FREM3: variants seen among roughly 807,000 people sequenced by gnomAD.
The protein encoded by FREM3 is FRAS1-related extracellular matrix protein 3.
A neutral mutation model predicts 129.1 loss-of-function variants in FREM3; 105 were observed. That is an observed-to-expected ratio of 0.81 (90% CI 0.69 to 0.96). The LOEUF is 0.96. Among genes scored for constraint, FREM3 ranks in the 40% least tolerant of loss-of-function variants. The pLI is 0.00. For synonymous variants in FREM3, 1,014 were observed against 1,044.9 expected (o/e 0.97, Z 0.57); for missense variants, 2,593 against 2,666.3 (o/e 0.97, Z 0.61).
chr4:143,625,081 A>G (rs1331274960), intron 3 of FREM3, among the ~76,000 whole-genome samples: 2 of 152,054 alleles, frequency 1.3e-5, no homozygotes, highest in Non-Finnish European at 2.9e-5. Context: ...CGAAACAACA[A>G]CAACAACATC....
In FREM3 at chr4:143,696,853, T is replaced by C. The variant is rs1426983187; in HGVS notation, c.3823A>G (p.Thr1275Ala). 1 of 1,537,684 alleles carries C rather than the reference T, an allele frequency of 6.5e-7. No homozygotes were observed. The highest frequency in any genetic ancestry group is 2.4e-5 in the East Asian group (1 of 40,914). ...TIVYEHDDSE[T>A]KEDSFEVWLS... ...CAGACCTCAAAACTGTCCTCTTTTG[T>C]CTCTGAGTCATCATGCTCATACACA... Residue 1275 changes from threonine to alanine, a missense_variant, in exon 1 of 8, where the codon ACA becomes GCA. Coordinates refer to ENST00000329798, the MANE Select transcript of FREM3 (RefSeq NM_001168235.2).
chr4:143,591,364 C>G (rs1738357997), intron 6 of FREM3, among the ~76,000 whole-genome samples: 1 of 152,182 alleles, frequency 6.6e-6, no homozygotes, highest in African/African-American at 2.4e-5. Flanking sequence ...CCTGCTTTCT[C>G]TTGTGGGCAT....
chr4:143,699,543 G>A lies in FREM3; in HGVS notation c.1133C>T (p.Thr378Ile), dbSNP rs1740651863. The change falls in exon 1 of 8, where the codon ACC becomes ATC. Residue 378 changes from threonine to isoleucine, a missense_variant. Physicochemically the swap from Thr to Ile is moderately conservative, Grantham distance 89. Transcript: ENST00000329798. The surrounding 1 kb of genome is among the most constrained non-coding windows in gnomAD (Gnocchi z 4.2). ...DPLGLPVSFF[T>I]QQELRELKIA... ...CTTCAGCTCCCTCAGCTCCTGCTGG[G>A]TGAAGAAGGAGACTGGAAGCCCTAG... 1 of 1,537,074 alleles carries A rather than the reference G, an allele frequency of 6.5e-7. No homozygotes were observed. The highest frequency in any genetic ancestry group is 1.4e-5 in the African/African-American group (1 of 73,056).
At chr4:143,584,205 C>T (rs990360788) in intron 7 of FREM3, among the ~76,000 whole-genome samples, 3 of 151,842 alleles carry the variant, frequency 2.0e-5, no homozygotes, top group East Asian at 1.9e-4. Context: ...GTCAGGAGAT[C>T]GAGACCATCC....
At position 143,700,261 on chromosome 4, in the gene FREM3, C is replaced by A. The variant is rs1740671325; in HGVS notation, c.415G>T (p.Val139Leu). 6.5e-7 allele frequency: 1 copy of A among 1,535,950 alleles called. No individual in the cohort carries two copies. The highest frequency in any genetic ancestry group is 2.0e-5 in the Admixed American group (1 of 50,976). Reference protein sequence around the residue: ...FGSHSPGRARVLLQLRYDAPT... With the variant: ...FGSHSPGRARLLLQLRYDAPT... ...GCGTCGTAGCGCAGCTGCAGCAGCA[C>A]CCGGGCGCGTCCGGGGCTGTGGGAG... The change falls in exon 1 of 8, where the codon GTG (valine) becomes TTG (leucine). Residue 139 changes from valine to leucine, a missense_variant. This residue lies in a region of FREM3 where 2,276 missense variants were observed against 2,267.2 expected (regional missense o/e 1.00). Transcript: ENST00000329798.
intron 2 of FREM3, among the ~76,000 whole-genome samples, chr4:143,628,909 G>A (rs1739092458): frequency 6.6e-6 from 1 of 152,134 alleles, no homozygotes; most frequent in Non-Finnish European, 1.5e-5. Flanking sequence ...TTGGGAAGCA[G>A]TCGAGTAGCT....
chr4:143,664,479 G>A (rs1739812213), intron 2 of FREM3, among the ~76,000 whole-genome samples: 1 of 152,118 alleles, frequency 6.6e-6, no homozygotes, highest in South Asian at 2.1e-4. Context: ...GCCGTGTGAG[G>A]TGTCAGTCTG....
intron 2 of FREM3, among the ~76,000 whole-genome samples, chr4:143,655,316 G>A (rs1159602362): frequency 1.3e-5 from 2 of 152,192 alleles, no homozygotes; most frequent in Admixed American, 6.5e-5. Flanking sequence ...CACAGAAAAT[G>A]TGTCTGCCAG....
At chr4:143,659,532 CA>C (rs1039058548) in intron 2 of FREM3, among the ~76,000 whole-genome samples, 19 of 151,684 alleles carry the variant, frequency 1.3e-4, no homozygotes, top group African/African-American at 4.4e-4. Flanking sequence ...AATAGTGCCG[CA>C]ATAAACATAC....
intron 2 of FREM3, among the ~76,000 whole-genome samples, chr4:143,677,636 T>C (rs571659307): frequency 6.6e-6 from 1 of 152,112 alleles, no homozygotes; most frequent in Non-Finnish European, 1.5e-5. Context: ...AATTTTGCAA[T>C]CTACTCATCT....
chr4:143,675,155 G>T (rs191371060), intron 2 of FREM3, among the ~76,000 whole-genome samples: 1 of 152,246 alleles, frequency 6.6e-6, no homozygotes, highest in Non-Finnish European at 1.5e-5. Context: ...GCACTCCTCA[G>T]CAAATATAAA....
Position 143,700,237 on chromosome 4 carries a change from C to T in FREM3, c.439G>A (p.Ala147Thr). The T allele has an allele frequency of 4.6e-6, 7 of 1,536,850 alleles. No individual in the cohort carries two copies. Among genetic ancestry groups the T allele is most frequent in the South Asian group, 1.2e-5 (1 of 84,068 alleles). Residue 147 changes from alanine to threonine, a missense_variant, in exon 1 of 8, where the codon GCC becomes ACC. By Grantham distance (58) the Ala-to-Thr change is moderately conservative. Coordinates refer to ENST00000329798, the MANE Select transcript of FREM3 (RefSeq NM_001168235.2). ...GGCAGCACCAGAGTGTGAGTCGGGG[C>T]GTCGTAGCGCAGCTGCAGCAGCACC... ...ARVLLQLRYDAPTHTLVLPFT... is the reference protein window; with the variant it reads ...ARVLLQLRYDTPTHTLVLPFT...
chr4:143,665,508 T>C (rs548684431), intron 2 of FREM3, among the ~76,000 whole-genome samples: 1 of 152,260 alleles, frequency 6.6e-6, no homozygotes, highest in Admixed American at 6.5e-5. Context: ...AGAATACTGT[T>C]AGGCCATTTC....
intron 2 of FREM3, chr4:143,649,152 A>G (rs1739469868): frequency 1.3e-5 from 2 of 152,250 alleles, no homozygotes; most frequent in African/African-American, 4.8e-5. Context: ...ATAGTAGAAC[A>G]GAGAATATCA....
intron 6 of FREM3, among the ~76,000 whole-genome samples, chr4:143,590,708 C>T (rs1356956905): frequency 5.3e-5 from 8 of 151,970 alleles, no homozygotes; most frequent in Admixed American, 1.3e-4. Flanking sequence ...TCTTTTTTTG[C>T]TGTGTCTCTG....
intron 6 of FREM3, among the ~76,000 whole-genome samples, chr4:143,593,026 C>T (rs190778766): frequency 4.6e-5 from 7 of 152,270 alleles, no homozygotes; most frequent in Admixed American, 2.0e-4. Context: ...TCCAGTTGAT[C>T]GCATCGGTTA....
chr4:143,686,543 G>A (rs1740367746), intron 2 of FREM3, among the ~76,000 whole-genome samples: 1 of 152,114 alleles, frequency 6.6e-6, no homozygotes, highest in Admixed American at 6.5e-5. Context: ...AACAGCACAT[G>A]AAACTTTCTC....
rs925288823 is a variant in FREM3 at position 143,696,448 on chromosome 4, A to G, written c.4228T>C (p.Leu1410=). 2.0e-6 allele frequency: 3 copies of G among 1,537,720 alleles called. No individual in the cohort carries two copies. Among genetic ancestry groups the G allele is most frequent in the East Asian group, 2.4e-5 (1 of 40,916 alleles). The part of the protein sequence containing the change: ...KFDVTDGVNT[L]TDHYFYVTIG... ...GTGACATAGAAGTAGTGGTCTGTCA[A>G]AGTGTTAACCCCATCAGTAACATCA... Residue 1410 remains leucine (L), a synonymous_variant, in exon 1 of 8, where the codon TTG becomes CTG. Coordinates refer to ENST00000329798, the MANE Select transcript of FREM3 (RefSeq NM_001168235.2).
intron 2 of FREM3, among the ~76,000 whole-genome samples, chr4:143,661,532 A>T (rs1739723620): frequency 1.3e-5 from 2 of 151,766 alleles, no homozygotes; most frequent in Admixed American, 6.6e-5. Flanking sequence ...TTCATCAAGG[A>T]TATTGGTCTA....
Sources: gnomAD v4.1 joint callset for allele counts (sites outside exome capture counted in the v4.1 genomes callset) on GRCh38, gnomAD v4.1.1 for gene constraint, gnomAD v4.1.1 regional missense constraint, Gnocchi (gnomAD v3.1) non-coding constraint, MANE v1.5 for transcripts, NCBI Gene and HGNC (gene_info 2026-07-23, HGNC 2026-07-21) for gene names.